The following LTN1 variants were observed in gnomAD, a reference collection of about 807,000 sequenced individuals.
The protein encoded by LTN1 is E3 ubiquitin-protein ligase listerin.
A neutral mutation model predicts 201.2 loss-of-function variants in LTN1; 88 were observed. That is an observed-to-expected ratio of 0.44 (90% CI 0.37 to 0.52). The LOEUF (loss-of-function observed/expected upper bound fraction) is 0.52. Among genes scored for constraint, LTN1 ranks in the 20% least tolerant of loss-of-function variants. The pLI, the probability that LTN1 is intolerant of heterozygous loss-of-function variation, is 0.00. For missense variants in LTN1, 1,752 were observed against 2,038.7 expected, an observed-to-expected ratio of 0.86 and a Z score of 2.71; for synonymous variants, 645 against 713.5, an observed-to-expected ratio of 0.90 and a Z score of 1.53.
chr21:28,973,155 G>C (rs2255209), intron 6 of LTN1, among the ~76,000 whole-genome samples: 151,978 of 151,994 alleles, frequency 1, 75,981 homozygotes, highest in Middle Eastern at 1. Context: ...CAAGACTGGG[G>C]TGGCCAACAT....
At chr21:28,964,604 C>G (rs966669094) in intron 11 of LTN1, 4 of 1,547,306 alleles carry the variant, frequency 2.6e-6, no homozygotes, top group Non-Finnish European at 3.5e-6. Flanking sequence ...CCAGTATGAA[C>G]ATATCTAATG....
At chr21:28,960,888 ATGTTC>A (rs1363963507) in intron 11 of LTN1, 182 bp from the exon 12 acceptor site, 1 of 464,940 alleles carries the variant, frequency 2.2e-6, no homozygotes, top group Non-Finnish European at 3.8e-6. Flanking sequence ...AGCCTGTATG[ATGTTC>A]ACTTCCACGC....
chr21:28,964,664 A>G (rs2084506530), intron 11 of LTN1: 1 of 1,550,502 alleles, frequency 6.4e-7, no homozygotes, highest in Admixed American at 2.0e-5. Flanking sequence ...GAGTCATGGA[A>G]GCGCAGGCAG....
chr21:28,943,095 T>A (rs1024095907), intron 24 of LTN1, among the ~76,000 whole-genome samples, 167 bp downstream of exon 24: 21 of 152,156 alleles, frequency 1.4e-4, no homozygotes, highest in African/African-American at 5.1e-4. Context: ...GACACAATCT[T>A]TTGGGTGAAA....
At chr21:28,953,668 T>C (rs1246565658) in intron 16 of LTN1, among the ~76,000 whole-genome samples, 1 of 152,174 alleles carries the variant, frequency 6.6e-6, no homozygotes, top group African/African-American at 2.4e-5. Context: ...CTTCCTACCA[T>C]TTTGGCACAA....
At chr21:28,987,345 A>ATATGTATAC (rs2084706143) in intron 1 of LTN1, among the ~76,000 whole-genome samples, 1 of 152,246 alleles carries the variant, frequency 6.6e-6, no homozygotes, top group Non-Finnish European at 1.5e-5. Flanking sequence ...ATGTATACAC[A>ATATGTATAC]TATGTATACT....
At chr21:28,953,910 A>G (rs2084403969) in intron 16 of LTN1, among the ~76,000 whole-genome samples, 1 of 152,188 alleles carries the variant, frequency 6.6e-6, no homozygotes, top group Non-Finnish European at 1.5e-5. Flanking sequence ...TTAAATGGCC[A>G]AGTATCTATC....
chr21:28,957,499 A>T, intron 14 of LTN1, 23 bp from the exon 15 acceptor site: 2 of 1,520,106 alleles, frequency 1.3e-6, no homozygotes, highest in Non-Finnish European at 1.8e-6. Flanking sequence ...CAGAGAACTT[A>T]ACTGTTGTAG....
intron 22 of LTN1, 94 bp downstream of exon 22, chr21:28,944,289 T>C (rs2084319936): frequency 1.1e-6 from 1 of 885,608 alleles, no homozygotes; most frequent in Non-Finnish European, 1.8e-6. Context: ...CTATTTAGTA[T>C]TATTTGATTT....
At chr21:28,937,262 A>C (rs965231068) in intron 25 of LTN1, among the ~76,000 whole-genome samples, 2 of 152,278 alleles carry the variant, frequency 1.3e-5, no homozygotes, top group Admixed American at 6.5e-5. Context: ...CCCTCCATAA[A>C]GTAGCTTGCA....
chr21:28,960,526 C>A lies in LTN1; in HGVS notation c.2344G>T (p.Val782Phe). The A allele has an allele frequency of 6.2e-7, 1 of 1,609,680 alleles. No homozygotes were observed. The highest frequency in any genetic ancestry group is 1.1e-5 in the South Asian group (1 of 90,326). Residue 782 changes from valine (V) to phenylalanine (F), a missense_variant, in exon 12 of 30, where the codon GTT becomes TTT. Physicochemically the swap from Val to Phe is conservative, Grantham distance 50. Around this residue, in one of 3 missense-constraint regions of LTN1, gnomAD observed 1,211 missense variants for 1,312.8 expected, o/e 0.92. Transcript: ENST00000361371. ...GCCATATTTGTCCTACCATTTTTAACATGTTGGGATAATACCAAGCTTAGA... is the reference window on the plus strand; with the variant it reads ...GCCATATTTGTCCTACCATTTTTAAAATGTTGGGATAATACCAAGCTTAGA... Reference protein sequence around the residue: ...TLLSLVLSQHVKNDYLIGDVY... With the variant: ...TLLSLVLSQHFKNDYLIGDVY...
chr21:28,956,012 C>A (rs980169943), intron 16 of LTN1, among the ~76,000 whole-genome samples: 13 of 149,802 alleles, frequency 8.7e-5, no homozygotes, highest in African/African-American at 3.2e-4. Context: ...ATGAAATAAA[C>A]CATGCACGGA....
rs777822099 is a variant in LTN1, at chr21:28,986,238, C to T, written c.247-1G>A. On this transcript the variant is annotated splice_acceptor_variant, in intron 2 of 29. Coordinates refer to ENST00000361371, the MANE Select transcript of LTN1 (RefSeq NM_015565.3). LOFTEE classifies it high-confidence loss of function. This position sits in a 1 kb window ranked among gnomAD's most constrained non-coding sequence, Gnocchi z 4.1. ...ACATGGTTCCAAATTCCTGCATAGC[C>T]TAAAAGTAAGTTATTAACATCATTA... is the stretch of plus-strand genomic sequence containing the variant. The T allele has an allele frequency of 6.4e-7, 1 of 1,565,664 alleles. No homozygotes were observed.
rs769971365 is a variant in LTN1 at position 28,984,912 on chromosome 21, C to T, written c.356G>A (p.Arg119His). 5.2e-5 allele frequency: 84 copies of T among 1,608,322 alleles called. No homozygotes were observed. Among genetic ancestry groups the T allele is most frequent in the East Asian group, 1.3e-4 (6 of 44,852 alleles). The stretch of plus-strand genomic sequence containing the variant: ...TTGTTGTGTGGCTTCTCGGACGCGA[C>T]GGTCATGATCCTATTAAAAATATAA... ...IFCKISLDHD[R>H]RVREATQQAF... Residue 119 changes from arginine to histidine, a missense_variant, in exon 4 of 30, where the codon CGT (arginine) becomes CAT (histidine). This residue lies in a region of LTN1 where 280 missense variants were observed against 375.7 expected (regional missense o/e 0.75). Transcript: ENST00000361371.
At chr21:28,936,921 T>C (rs937078985) in intron 25 of LTN1, among the ~76,000 whole-genome samples, 4 of 152,150 alleles carry the variant, frequency 2.6e-5, no homozygotes, top group Non-Finnish European at 5.9e-5. Flanking sequence ...TATTCACCAT[T>C]CCCACAGATG....
At chr21:28,981,985 CGGGT>C (rs2084662303) in intron 5 of LTN1, among the ~76,000 whole-genome samples, 1 of 152,152 alleles carries the variant, frequency 6.6e-6, no homozygotes, top group African/African-American at 2.4e-5. Context: ...GAGGCCGAGG[CGGGT>C]GGATCACCTG....
chr21:28,984,631 T>G, intron 4 of LTN1, 61 bp downstream of exon 4: 1 of 1,206,466 alleles, frequency 8.3e-7, no homozygotes, highest in Non-Finnish European at 1.2e-6. Context: ...GCTGTCATTA[T>G]GCTTATAACC....
At chr21:28,966,343 G>A in intron 10 of LTN1, 27 bp downstream of exon 10, 1 of 1,529,768 alleles carries the variant, frequency 6.5e-7, no homozygotes, top group South Asian at 1.2e-5. Flanking sequence ...TATTCAAATA[G>A]TTTGAAAAGA....
Position 28,947,461 on chromosome 21 carries a change from A to T in LTN1, c.3487+3T>A. 6.6e-7 allele frequency: 1 copy of T among 1,513,142 alleles called. No individual in the cohort carries two copies. Among genetic ancestry groups the T allele is most frequent in the Non-Finnish European group, 8.8e-7 (1 of 1,137,340 alleles). 93.7% of individuals were successfully genotyped at this position (1,513,142 alleles called of 1,614,324 possible). A position where few individuals can be genotyped will look rare whatever the true frequency, so the allele number is the denominator to read the frequency against. The stretch of plus-strand genomic sequence containing the variant: ...ATGAAATATTTATTATCAAGCAACT[A>T]ACCATTAGTGCTGCAAAGATCTTTC... On this transcript the variant is annotated splice_donor_region_variant and intron_variant, in intron 19 of 29. Coordinates refer to ENST00000361371, the MANE Select transcript of LTN1 (RefSeq NM_015565.3).
Sources: gnomAD v4.1 joint callset for allele counts (sites outside exome capture counted in the v4.1 genomes callset) on GRCh38, gnomAD v4.1.1 for gene constraint, gnomAD v4.1.1 regional missense constraint, Gnocchi (gnomAD v3.1) non-coding constraint, MANE v1.5 for transcripts, NCBI Gene and HGNC (gene_info 2026-07-23, HGNC 2026-07-21) for gene names.